DLC1: variants seen among roughly 807,000 people sequenced by gnomAD.
The protein encoded by DLC1 is rho GTPase-activating protein 7.
Under a neutral mutation model 140.3 loss-of-function variants are expected in DLC1, and 54 were observed. That is an observed-to-expected ratio of 0.38 (90% confidence interval 0.31 to 0.48). DLC1 has a LOEUF of 0.48. Among genes scored for constraint, DLC1 ranks in the 20% least tolerant of loss-of-function variants. The pLI is 0.96. For synonymous variants in DLC1, 986 were observed against 728.1 expected, an observed-to-expected ratio of 1.35 and a Z score of -5.70; for missense variants, 2,536 against 1,907.0, an observed-to-expected ratio of 1.33 and a Z score of -6.14.
chr8:13,554,239 G>C (rs1803967200), intron 1 of DLC1, among the ~76,000 whole-genome samples: 1 of 152,038 alleles, frequency 6.6e-6, no homozygotes. Flanking sequence ...GCTAATTTTT[G>C]TACTTTTAGT....
chr8:13,406,077 G>T (rs1233962863), intron 2 of DLC1, among the ~76,000 whole-genome samples: 1 of 146,424 alleles, frequency 6.8e-6, no homozygotes, highest in Admixed American at 6.9e-5. Flanking sequence ...CACAATCTTG[G>T]CTCACTGCAA....
chr8:13,548,263 G>A (rs1026982069), intron 1 of DLC1, among the ~76,000 whole-genome samples: 13 of 151,954 alleles, frequency 8.6e-5, no homozygotes, highest in African/African-American at 3.1e-4. Flanking sequence ...TTAGCTGAAT[G>A]TTACATGTTT....
intron 5 of DLC1, among the ~76,000 whole-genome samples, chr8:13,222,408 A>T (rs2117162577): frequency 6.6e-6 from 1 of 152,310 alleles, no homozygotes; most frequent in African/African-American, 2.4e-5. Context: ...TTCATTGATT[A>T]TACTGATGTT....
chr8:13,259,472 C>G (rs1830394745), intron 5 of DLC1, among the ~76,000 whole-genome samples: 1 of 152,192 alleles, frequency 6.6e-6, no homozygotes, highest in Admixed American at 6.5e-5. Flanking sequence ...CCTGAAAGTT[C>G]ATCAGCTGTA....
chr8:13,560,396 G>C (rs886900788), intron 1 of DLC1, among the ~76,000 whole-genome samples: 1 of 152,082 alleles, frequency 6.6e-6, no homozygotes, highest in Non-Finnish European at 1.5e-5. Flanking sequence ...TTTGTGATAG[G>C]GTCAGAGAAT....
intron 9 of DLC1, among the ~76,000 whole-genome samples, 184 bp downstream of exon 9, chr8:13,099,163 T>G (rs889372360): frequency 1.3e-5 from 2 of 152,146 alleles, no homozygotes; most frequent in African/African-American, 4.8e-5. Context: ...CAACCGGAAC[T>G]CTATACCCAT....
At chr8:13,295,070 A>G (rs960428849) in intron 5 of DLC1, among the ~76,000 whole-genome samples, 1 of 152,180 alleles carries the variant, frequency 6.6e-6, no homozygotes, top group Non-Finnish European at 1.5e-5. Flanking sequence ...CCTTTTAGGA[A>G]ACCACAGCTC....
chr8:13,231,008 C>A (rs143048487), intron 5 of DLC1, among the ~76,000 whole-genome samples: 1 of 151,972 alleles, frequency 6.6e-6, no homozygotes, highest in African/African-American at 2.4e-5. Flanking sequence ...AAGGGAATGG[C>A]GGGTAACTGT....
At chr8:13,304,647 A>T in intron 5 of DLC1, 3 of 926,202 alleles carry the variant, frequency 3.2e-6, no homozygotes, top group Non-Finnish European at 3.9e-6. Flanking sequence ...TTTCGTTTTT[A>T]TTACACAGAA....
chr8:13,466,950 A>G (rs564783485), intron 2 of DLC1, among the ~76,000 whole-genome samples: 153 of 7,928 alleles, frequency 0.019, 1 homozygote, highest in Admixed American at 0.059. Context: ...CTATTTCACA[A>G]AAAAAAAACC....
At chr8:13,497,345 G>T (rs1207581171) in intron 2 of DLC1, among the ~76,000 whole-genome samples, 1 of 152,094 alleles carries the variant, frequency 6.6e-6, no homozygotes, top group African/African-American at 2.4e-5. Flanking sequence ...AGTTTTCTAG[G>T]ATAAATTCCC....
chr8:13,246,884 G>C (rs181894899), intron 5 of DLC1, among the ~76,000 whole-genome samples: 1 of 152,094 alleles, frequency 6.6e-6, no homozygotes, highest in Non-Finnish European at 1.5e-5. Flanking sequence ...CCATCATTTA[G>C]ATCATAAATA....
chr8:13,411,217 C>T lies in DLC1; in HGVS notation c.1024-9598G>A, dbSNP rs571848918. Among the ~76,000 whole-genome samples, 3 of 152,298 alleles carry T rather than the reference C, an allele frequency of 2.0e-5. No individual in the cohort carries two copies. The South Asian group carries it at 6.2e-4, about 32-fold the overall frequency. ...AACAGTGGTACATTTAGACAAAAAA[C>T]ATTATTCAGCACTAAAAACAAATGA... On this transcript the variant is annotated intron_variant, in intron 2 of 17. Transcript: ENST00000276297.
intron 5 of DLC1, among the ~76,000 whole-genome samples, chr8:13,301,864 G>C (rs1346366780): frequency 6.6e-6 from 1 of 152,158 alleles, no homozygotes; most frequent in Non-Finnish European, 1.5e-5. Context: ...CACTCCTTAT[G>C]ATGATCTGAG....
At chr8:13,219,915 C>A (rs112112027) in intron 5 of DLC1, among the ~76,000 whole-genome samples, 1 of 152,074 alleles carries the variant, frequency 6.6e-6, no homozygotes, top group Non-Finnish European at 1.5e-5. Flanking sequence ...AAAAACAATG[C>A]GACACAGAAG....
intron 5 of DLC1, among the ~76,000 whole-genome samples, chr8:13,166,596 G>GTGC (rs1001620168): frequency 5.9e-5 from 9 of 152,162 alleles, no homozygotes; most frequent in African/African-American, 2.2e-4. Flanking sequence ...GCCTCCCAAA[G>GTGC]TGCTGGAATT....
At chr8:13,418,906 G>C (rs1838191083) in intron 2 of DLC1, among the ~76,000 whole-genome samples, 1 of 151,974 alleles carries the variant, frequency 6.6e-6, no homozygotes, top group Non-Finnish European at 1.5e-5. Context: ...GTGGTTTGTA[G>C]TTCTCCTTGA....
intron 2 of DLC1, among the ~76,000 whole-genome samples, chr8:13,445,959 GC>G (rs1798755175): frequency 6.6e-6 from 1 of 152,128 alleles, no homozygotes; most frequent in African/African-American, 2.4e-5. Context: ...TAAGAAAGGG[GC>G]AAGGGAATGG....
At chr8:13,584,402 G>C in intron 1 of DLC1, 1 of 152,928 alleles carries the variant, frequency 6.5e-6, no homozygotes, top group East Asian at 1.9e-4. Flanking sequence ...GCCCAGATTG[G>C]TGCAGCTGCT....
Sources: gnomAD v4.1 joint callset for allele counts (sites outside exome capture counted in the v4.1 genomes callset) on GRCh38, gnomAD v4.1.1 for gene constraint, MANE v1.5 for transcripts, NCBI Gene and HGNC (gene_info 2026-07-23, HGNC 2026-07-21) for gene names.